RSRC1: variants seen among roughly 807,000 people sequenced by gnomAD.
RSRC1 encodes the protein serine/Arginine-related protein 53.
In RSRC1, 39 loss-of-function variants were observed where a neutral mutation model predicts 49.1. The ratio of observed to expected loss-of-function variants is 0.79; its 90% CI spans 0.61 to 1.04. The LOEUF (loss-of-function observed/expected upper bound fraction) is 1.04, where lower values mean the gene tolerates loss of function less well. Ranked by LOEUF, RSRC1 falls within the 50% of genes least tolerant of loss-of-function variation. RSRC1 has a pLI of 0.00. For synonymous variants in RSRC1, 143 were observed against 130.8 expected (o/e 1.09, Z -0.63); for missense variants, 388 against 402.4 (o/e 0.96, Z 0.31).
At chr3:158,330,103 A>C (rs1337894855) in intron 5 of RSRC1, among the ~76,000 whole-genome samples, 1 of 152,198 alleles carries the variant, frequency 6.6e-6, no homozygotes, top group East Asian at 1.9e-4. Flanking sequence ...TTAGGGTGGG[A>C]GTGACCCGAT....
chr3:158,304,123 G>A (rs1437234616), intron 5 of RSRC1, among the ~76,000 whole-genome samples: 2 of 152,060 alleles, frequency 1.3e-5, no homozygotes, highest in Non-Finnish European at 2.9e-5. Context: ...TGTCCTTGTG[G>A]TCAAGTAACA....
intron 4 of RSRC1, among the ~76,000 whole-genome samples, chr3:158,228,176 C>T (rs1204343068): frequency 1.3e-5 from 2 of 151,928 alleles, no homozygotes; most frequent in African/African-American, 4.8e-5. Context: ...TTTGTCATAT[C>T]TGAACATAAT....
chr3:158,424,600 A>C (rs1735293499), intron 6 of RSRC1, among the ~76,000 whole-genome samples: 2 of 151,036 alleles, frequency 1.3e-5, no homozygotes, highest in Admixed American at 1.3e-4. Context: ...TCATAAAATG[A>C]GTTAGGGAGG....
intron 7 of RSRC1, among the ~76,000 whole-genome samples, chr3:158,504,012 G>T (rs888933878): frequency 2.0e-5 from 3 of 152,126 alleles, no homozygotes; most frequent in Non-Finnish European, 4.4e-5. Flanking sequence ...TGTCAGGCAG[G>T]AATGTCCTTG....
intron 2 of RSRC1, 50 bp downstream of exon 2, chr3:158,122,348 A>G (rs1715314774): frequency 8.0e-7 from 1 of 1,249,070 alleles, no homozygotes; most frequent in Non-Finnish European, 1.1e-6. Context: ...ACATTCTTTA[A>G]AATTCATGTT....
At chr3:158,235,798 A>G (rs1723207954) in intron 4 of RSRC1, among the ~76,000 whole-genome samples, 1 of 152,176 alleles carries the variant, frequency 6.6e-6, no homozygotes, top group Admixed American at 6.6e-5. Flanking sequence ...TATAAATAGA[A>G]CTTTAGCAAA....
At chr3:158,535,506 T>C (rs372337415) in intron 7 of RSRC1, among the ~76,000 whole-genome samples, 9 of 109,112 alleles carry the variant, frequency 8.2e-5, no homozygotes, top group African/African-American at 3.2e-4. Flanking sequence ...TTCAGAAGCA[T>C]TGACAATTCA....
intron 7 of RSRC1, among the ~76,000 whole-genome samples, chr3:158,477,216 G>GACAC (rs1225197620): frequency 6.6e-6 from 1 of 152,138 alleles, no homozygotes; most frequent in Admixed American, 6.6e-5. Flanking sequence ...AAAGGCTGTG[G>GACAC]AGCATTACAT....
At chr3:158,307,716 TGAAG>T (rs1268387701) in intron 5 of RSRC1, among the ~76,000 whole-genome samples, 1 of 151,848 alleles carries the variant, frequency 6.6e-6, no homozygotes, top group Non-Finnish European at 1.5e-5. Flanking sequence ...ATTTTAATCT[TGAAG>T]GAGGGGAGAA....
chr3:158,496,724 T>C, intron 7 of RSRC1: 1 of 284,816 alleles, frequency 3.5e-6, no homozygotes, highest in Non-Finnish European at 7.4e-6. Flanking sequence ...GATGAGCCTG[T>C]GTATGTCATG....
rs1245685951 is a variant in RSRC1 at position 158,284,901 on chromosome 3, A to G, written c.495-13138A>G. On this transcript the variant is annotated intron_variant, in intron 4 of 9. Transcript: ENST00000611884. ...GTGCAGAAGCTCTTTAGTTTAATTAAATCCCATTTGTCAATTTTGGCTTTT... is the reference window on the plus strand; with the variant it reads ...GTGCAGAAGCTCTTTAGTTTAATTAGATCCCATTTGTCAATTTTGGCTTTT... Among the ~76,000 whole-genome samples, 204 of 149,514 alleles carry G rather than the reference A, an allele frequency of 1.4e-3. 4 individuals carry two copies. In the South Asian group the frequency reaches 0.03, roughly 22 times the overall value.
intron 3 of RSRC1, among the ~76,000 whole-genome samples, chr3:158,181,021 A>G (rs769699198): frequency 8.0e-5 from 12 of 149,208 alleles, no homozygotes; most frequent in South Asian, 4.3e-4. Flanking sequence ...GGCCAGGCTG[A>G]TCTCAAACTA....
intron 5 of RSRC1, among the ~76,000 whole-genome samples, chr3:158,315,363 C>T (rs1728372322): frequency 3.3e-5 from 5 of 152,120 alleles, no homozygotes; most frequent in Admixed American, 3.3e-4. Context: ...CTCCAAAGCT[C>T]ATACTCCTAA....
At chr3:158,191,404 G>T (rs1188285950) in intron 3 of RSRC1, among the ~76,000 whole-genome samples, 1 of 151,990 alleles carries the variant, frequency 6.6e-6, no homozygotes, top group African/African-American at 2.4e-5. Context: ...TTGAAGTATT[G>T]TAGTTTTCTT....
chr3:158,451,286 G>A (rs1737012689), intron 6 of RSRC1, among the ~76,000 whole-genome samples: 1 of 151,898 alleles, frequency 6.6e-6, no homozygotes, highest in Admixed American at 6.6e-5. Context: ...TTTGCTACCA[G>A]ATGGCCTGAT....
chr3:158,222,615 A>G (rs929615138), intron 4 of RSRC1, among the ~76,000 whole-genome samples: 5 of 151,182 alleles, frequency 3.3e-5, no homozygotes, highest in Non-Finnish European at 7.4e-5. Flanking sequence ...TCCGTCCCCC[A>G]CCCCTTATAT....
chr3:158,218,983 A>G (rs1414839480), intron 4 of RSRC1, among the ~76,000 whole-genome samples: 1 of 151,656 alleles, frequency 6.6e-6, no homozygotes, highest in Non-Finnish European at 1.5e-5. Context: ...CAATGTAGTA[A>G]GAGTGCTGTG....
At chr3:158,475,262 T>C (rs1738317999) in intron 7 of RSRC1, among the ~76,000 whole-genome samples, 1 of 152,106 alleles carries the variant, frequency 6.6e-6, no homozygotes, top group African/African-American at 2.4e-5. Context: ...AAGTATTTAT[T>C]GAGCCACCTC....
chr3:158,211,923 A>C (rs1472083559), intron 4 of RSRC1, among the ~76,000 whole-genome samples: 1 of 151,818 alleles, frequency 6.6e-6, no homozygotes, highest in Non-Finnish European at 1.5e-5. Context: ...GTCTTTTTAA[A>C]GGTTGTTCCT....
Sources: allele counts gnomAD v4.1 joint callset (sites outside exome capture counted in the v4.1 genomes callset), GRCh38; gene constraint gnomAD v4.1.1; transcripts MANE v1.5; gene names NCBI Gene and HGNC (gene_info 2026-07-23, HGNC 2026-07-21).